Variants in HDAC8 observed in about 807,000 individuals in gnomAD.
The protein encoded by HDAC8 is histone deacetylase-like 1.
A neutral mutation model predicts 32.2 loss-of-function variants in HDAC8; 1 was observed. The observed-to-expected ratio is 0.03, with a 90% CI of 0.01 to 0.15. HDAC8 has a LOEUF of 0.15. Among genes scored for constraint, HDAC8 ranks in the 10% least tolerant of loss-of-function variants. The probability of loss-of-function intolerance (pLI) is 1.00; values close to 1 mark genes in which losing one functional copy is unlikely to be tolerated. For missense variants in HDAC8, 117 were observed against 300.0 expected (o/e 0.39, Z 4.51); for synonymous variants, 108 against 113.9 (o/e 0.95, Z 0.33).
At chrX:72,426,130 T>C (rs782307963) in intron 9 of HDAC8, among the ~76,000 whole-genome samples, 10 of 112,497 alleles carry the variant, frequency 8.9e-5, no homozygotes, top group African/African-American at 2.6e-4. Flanking sequence ...GACAGCTCTC[T>C]CTTTCCAGTC....
At chrX:72,560,263 C>G (rs2147548727) in intron 4 of HDAC8, among the ~76,000 whole-genome samples, 1 of 111,156 alleles carries the variant, frequency 9.0e-6, no homozygotes, top group South Asian at 3.8e-4. Context: ...TAACCTTACC[C>G]CCAACCCCGT....
intron 10 of HDAC8, among the ~76,000 whole-genome samples, chrX:72,337,069 T>C (rs1000180831): frequency 2.6e-4 from 29 of 112,287 alleles, no homozygotes; most frequent in Non-Finnish European, 4.9e-4. Flanking sequence ...CACTTAAAAA[T>C]TGAGTGTTTT....
intron 10 of HDAC8, among the ~76,000 whole-genome samples, chrX:72,337,725 T>C (rs1234027657): frequency 2.7e-5 from 3 of 111,533 alleles, no homozygotes. Context: ...ACAGACCACA[T>C]CACTCCTATG....
intron 4 of HDAC8, among the ~76,000 whole-genome samples, chrX:72,523,800 G>A (rs1556030133): frequency 8.9e-6 from 1 of 112,030 alleles, no homozygotes; most frequent in African/African-American, 3.2e-5. Flanking sequence ...AATCTTGTAA[G>A]GTAGGTTCTA....
Position 72,464,590 on chromosome X carries a change from T to C in HDAC8, c.879A>G (p.Gln293=), listed in dbSNP as rs782467454. 9.9e-6 allele frequency: 12 copies of C among 1,207,564 alleles called. 1 individual carries two copies. The highest frequency in any genetic ancestry group is 4.4e-5 in the Admixed American group (2 of 45,722). ...CCAAAATGAGTGTTGCCAACTGCCA[T>C]TGAAGGATGTACTTAAGACACTTGC... ...GIGKCLKYIL[Q]WQLATLILGG... Residue 293 remains glutamine, a synonymous_variant, in exon 8 of 11, where the codon CAA becomes CAG. Transcript: ENST00000373573.
chrX:72,379,105 G>A (rs1483913519), intron 9 of HDAC8, among the ~76,000 whole-genome samples: 2 of 111,233 alleles, frequency 1.8e-5, no homozygotes, highest in African/African-American at 3.3e-5. Flanking sequence ...TGATCCACCC[G>A]CCTTGGCCTC....
At chrX:72,414,462 A>G (rs1555971183) in intron 9 of HDAC8, among the ~76,000 whole-genome samples, 1 of 112,101 alleles carries the variant, frequency 8.9e-6, no homozygotes. Flanking sequence ...ATACAAAGGC[A>G]TTATTGTAGA....
At chrX:72,474,016 G>C (rs1207307430) in intron 7 of HDAC8, 1 of 618,718 alleles carries the variant, frequency 1.6e-6, no homozygotes, top group African/African-American at 2.5e-5. Context: ...TCCCAACTTT[G>C]ATCTTGCTGT....
At chrX:72,510,598 A>G (rs1291406668) in intron 4 of HDAC8, among the ~76,000 whole-genome samples, 1 of 111,840 alleles carries the variant, frequency 8.9e-6, no homozygotes, top group Non-Finnish European at 1.9e-5. Context: ...TTCACCACCA[A>G]GAATCTTAGA....
chrX:72,473,672 A>G (rs2048247618), intron 7 of HDAC8: 1 of 751,868 alleles, frequency 1.3e-6, no homozygotes, highest in Admixed American at 8.8e-5. Flanking sequence ...ATCTGCTTCC[A>G]TGACTTACTG....
intron 9 of HDAC8, among the ~76,000 whole-genome samples, chrX:72,368,032 G>C (rs183021136): frequency 4.9e-4 from 56 of 113,402 alleles, no homozygotes; most frequent in Non-Finnish European, 1.3e-4. Context: ...AGGCCAAAAG[G>C]CTGGCACAAA....
At chrX:72,487,935 C>CAAA (rs782170397) in intron 7 of HDAC8, among the ~76,000 whole-genome samples, 6 of 50,697 alleles carry the variant, frequency 1.2e-4, no homozygotes, top group African/African-American at 3.9e-4. Flanking sequence ...TGGCAGGCTC[C>CAAA]AAAAAAAAAA....
At chrX:72,543,838 G>A (rs1341124656) in intron 4 of HDAC8, among the ~76,000 whole-genome samples, 7 of 112,705 alleles carry the variant, frequency 6.2e-5, no homozygotes, top group Admixed American at 5.6e-4. Flanking sequence ...CAGATTACAA[G>A]CATATTTGAA....
At chrX:72,441,136 C>T (rs2047127764) in intron 9 of HDAC8, among the ~76,000 whole-genome samples, 1 of 112,964 alleles carries the variant, frequency 8.9e-6, no homozygotes, top group Admixed American at 9.3e-5. Flanking sequence ...ATAGCAGTAA[C>T]CTCTGCAGAC....
intron 4 of HDAC8, among the ~76,000 whole-genome samples, chrX:72,546,784 A>G (rs994337491): frequency 9.0e-6 from 1 of 110,981 alleles, no homozygotes; most frequent in Non-Finnish European, 1.9e-5. Flanking sequence ...GCTAGCAGGC[A>G]ACCCCCACAC....
intron 9 of HDAC8, among the ~76,000 whole-genome samples, chrX:72,358,135 T>C (rs1555951384): frequency 9.0e-6 from 1 of 110,598 alleles, no homozygotes; most frequent in Non-Finnish European, 1.9e-5. Context: ...TCGCCTGGTC[T>C]CCAACTCCTG....
intron 7 of HDAC8, among the ~76,000 whole-genome samples, chrX:72,488,234 C>T (rs1419180948): frequency 9.0e-6 from 1 of 111,409 alleles, no homozygotes; most frequent in East Asian, 2.8e-4. Context: ...CCTCAATCCC[C>T]GTTACTTACC....
At chrX:72,441,028 C>T (rs925745748) in intron 9 of HDAC8, among the ~76,000 whole-genome samples, 1 of 113,027 alleles carries the variant, frequency 8.8e-6, no homozygotes, top group Non-Finnish European at 1.9e-5. Flanking sequence ...ACAAAGCAGT[C>T]GGGAAGCTCG....
At chrX:72,417,992 G>T (rs1220087634) in intron 9 of HDAC8, among the ~76,000 whole-genome samples, 1 of 111,837 alleles carries the variant, frequency 8.9e-6, no homozygotes, top group Non-Finnish European at 1.9e-5. Flanking sequence ...TCAATAAGTG[G>T]TGCTGGGAAA....
Sources: allele counts gnomAD v4.1 joint callset (sites outside exome capture counted in the v4.1 genomes callset), GRCh38; gene constraint gnomAD v4.1.1; transcripts MANE v1.5; gene names NCBI Gene and HGNC (gene_info 2026-07-23, HGNC 2026-07-21).